The following MYT1L variants were observed in gnomAD, a reference collection of about 807,000 sequenced individuals.
The protein encoded by MYT1L is myelin transcription factor 1 like, also known as myelin transcription factor 1-like protein.
Under a neutral mutation model 126.7 loss-of-function variants are expected in MYT1L, and 12 were observed. The observed-to-expected ratio is 0.09, with a 90% confidence interval of 0.06 to 0.15. The LOEUF (loss-of-function observed/expected upper bound fraction) is 0.15, where lower values mean the gene tolerates loss of function less well. MYT1L is among the 10% of genes least tolerant of loss of function. MYT1L has a pLI of 1.00. For synonymous variants in MYT1L, 541 were observed against 604.2 expected (o/e 0.90, Z 1.53); for missense variants, 979 against 1,585.2 (o/e 0.62, Z 6.49).
chr2:2,281,322 T>C (rs978413728), intron 2 of MYT1L, among the ~76,000 whole-genome samples: 10 of 152,230 alleles, frequency 6.6e-5, no homozygotes, highest in Non-Finnish European at 8.8e-5. Context: ...TTATAAATCA[T>C]CGGGTATTTC....
Position 1,929,185 on chromosome 2 carries a change from C to G in MYT1L, c.506-5922G>C, listed in dbSNP as rs972405009. On this transcript the variant is annotated intron_variant, in intron 9 of 24. Coordinates refer to ENST00000647738, the MANE Select transcript of MYT1L (RefSeq NM_001303052.2). This position sits in a 1 kb window ranked among gnomAD's most constrained non-coding sequence, Gnocchi z 4.7. ...AAGAGGGGAGAAGTCACTTTCCCAG[C>G]CCGGGTGGCCTTCAGTCGGGCACCT... Among the ~76,000 whole-genome samples, 1 of 152,280 alleles carries G rather than the reference C, an allele frequency of 6.6e-6. No homozygotes were observed. The highest frequency in any genetic ancestry group is 6.5e-5 in the Admixed American group (1 of 15,296).
intron 3 of MYT1L, among the ~76,000 whole-genome samples, chr2:2,170,021 C>A (rs2089787890): frequency 1.3e-5 from 2 of 152,212 alleles, no homozygotes; most frequent in African/African-American, 4.8e-5. Flanking sequence ...CTGATTTCCA[C>A]AGAGGTGGCA....
chr2:1,949,054 C>T (rs752559990), intron 8 of MYT1L, among the ~76,000 whole-genome samples: 6 of 152,134 alleles, frequency 3.9e-5, no homozygotes, highest in Admixed American at 1.3e-4. Flanking sequence ...AGTAAGATCA[C>T]GGTAGCTCAA....
chr2:2,294,215 C>G (rs1371241525), intron 1 of MYT1L, among the ~76,000 whole-genome samples: 1 of 152,194 alleles, frequency 6.6e-6, no homozygotes, highest in African/African-American at 2.4e-5. Context: ...ACGGGCGGTG[C>G]CCCGGTCACT....
intron 3 of MYT1L, among the ~76,000 whole-genome samples, chr2:2,149,070 T>C (rs2085331867): frequency 6.6e-6 from 1 of 152,186 alleles, no homozygotes; most frequent in Non-Finnish European, 1.5e-5. Flanking sequence ...GTTTGCTCTA[T>C]GCAGGTTTAT....
chr2:2,194,762 C>G (rs745647428), intron 2 of MYT1L, among the ~76,000 whole-genome samples: 1 of 152,294 alleles, frequency 6.6e-6, no homozygotes, highest in South Asian at 2.1e-4. Flanking sequence ...TCAAGAACAA[C>G]TTTAAGAACA....
chr2:2,249,356 T>C (rs902075630), intron 2 of MYT1L, among the ~76,000 whole-genome samples: 11 of 151,580 alleles, frequency 7.3e-5, no homozygotes, highest in African/African-American at 2.7e-4. Context: ...GAAATAGCAA[T>C]GAAATAAATT....
intron 3 of MYT1L, among the ~76,000 whole-genome samples, chr2:2,154,897 C>A (rs1002403772): frequency 2.0e-5 from 3 of 152,186 alleles, no homozygotes; most frequent in Admixed American, 6.5e-5. Context: ...GAGGCTGAGG[C>A]AGGCAAATCA....
At chr2:1,965,324 CTG>C (rs1455929277) in intron 8 of MYT1L, among the ~76,000 whole-genome samples, 1 of 150,586 alleles carries the variant, frequency 6.6e-6, no homozygotes, top group Non-Finnish European at 1.5e-5. Flanking sequence ...GACCCAGACT[CTG>C]TGACTTGCAG....
chr2:1,814,766 T>C (rs909644428), intron 21 of MYT1L, among the ~76,000 whole-genome samples: 6 of 152,272 alleles, frequency 3.9e-5, no homozygotes, highest in African/African-American at 1.4e-4. Flanking sequence ...TGCAGAATGG[T>C]AGGTGCAGGC....
chr2:1,817,773 C>T (rs1418509887), intron 21 of MYT1L, among the ~76,000 whole-genome samples: 1 of 152,178 alleles, frequency 6.6e-6, no homozygotes, highest in Non-Finnish European at 1.5e-5. Context: ...GGAGGTCAGC[C>T]CACGGCTGGT....
At chr2:1,855,860 T>C (rs1417010500) in intron 18 of MYT1L, among the ~76,000 whole-genome samples, 3 of 150,326 alleles carry the variant, frequency 2.0e-5, no homozygotes, top group Admixed American at 2.0e-4. Flanking sequence ...TTAAGAGAAA[T>C]AAAAAATAAA....
chr2:2,277,153 T>G (rs530947246), intron 2 of MYT1L, among the ~76,000 whole-genome samples: 8 of 152,200 alleles, frequency 5.3e-5, no homozygotes, highest in Non-Finnish European at 1.0e-4. Context: ...GGCTAATTTT[T>G]TTTGTATTTT....
intron 4 of MYT1L, among the ~76,000 whole-genome samples, chr2:2,003,411 A>G (rs1410424209): frequency 6.6e-6 from 1 of 152,082 alleles, no homozygotes. Context: ...AGGTTTGCCC[A>G]CCGTCACCCT....
intron 4 of MYT1L, among the ~76,000 whole-genome samples, chr2:2,020,335 T>C (rs1172140412): frequency 6.6e-6 from 1 of 152,246 alleles, no homozygotes; most frequent in Non-Finnish European, 1.5e-5. Flanking sequence ...CACATACCTA[T>C]ATTTCTCAAG....
chr2:2,130,125 A>G (rs1291583702), intron 3 of MYT1L, among the ~76,000 whole-genome samples: 1 of 152,082 alleles, frequency 6.6e-6, no homozygotes, highest in Non-Finnish European at 1.5e-5. Context: ...CCAAATATTA[A>G]GATAGCCTTA....
intron 3 of MYT1L, among the ~76,000 whole-genome samples, chr2:2,106,276 G>A (rs2078748069): frequency 6.6e-6 from 1 of 152,206 alleles, no homozygotes; most frequent in Non-Finnish European, 1.5e-5. Flanking sequence ...CTTTAAATGA[G>A]GCTGGACATT....
At chr2:1,996,231 C>T (rs1173660192) in intron 5 of MYT1L, among the ~76,000 whole-genome samples, 2 of 152,244 alleles carry the variant, frequency 1.3e-5, no homozygotes, top group African/African-American at 4.8e-5. Flanking sequence ...AGCACACAAC[C>T]TAACCGTCTA....
At chr2:2,308,032 A>G (rs1019259488) in intron 1 of MYT1L, among the ~76,000 whole-genome samples, 1 of 149,476 alleles carries the variant, frequency 6.7e-6, no homozygotes, top group Non-Finnish European at 1.5e-5. Context: ...TGCTCCACCT[A>G]TGCCTTAGTA....
Sources: allele counts gnomAD v4.1 joint callset (sites outside exome capture counted in the v4.1 genomes callset), GRCh38; gene constraint gnomAD v4.1.1; non-coding constraint Gnocchi (gnomAD v3.1); transcripts MANE v1.5; gene names NCBI Gene and HGNC (gene_info 2026-07-23, HGNC 2026-07-21).